The following ODF2L variants were observed in gnomAD, a reference collection of about 807,000 sequenced individuals.
ODF2L encodes protein BCAP.
Under a neutral mutation model 86.3 loss-of-function variants are expected in ODF2L, and 76 were observed. The observed-to-expected ratio is 0.88, with a 90% CI of 0.73 to 1.07. The LOEUF (loss-of-function observed/expected upper bound fraction) is 1.07. Ranked by LOEUF, ODF2L falls within the 50% of genes least tolerant of loss-of-function variation. The pLI is 0.00. For missense variants in ODF2L, 748 were observed against 717.4 expected, an observed-to-expected ratio of 1.04 and a Z score of -0.49; for synonymous variants, 241 against 231.3, an observed-to-expected ratio of 1.04 and a Z score of -0.38.
At chr1:86,348,740 ATT>A (rs781185857), downstream of ODF2L, 1 of 1,465,086 alleles carries the variant, frequency 6.8e-7, no homozygotes, top group Non-Finnish European at 9.0e-7. Flanking sequence ...GAGAAAATAA[ATT>A]TGACAATTTA....
At chr1:86,349,707 G>A (rs1373842209), downstream of ODF2L, 1 of 152,196 alleles carries the variant, frequency 6.6e-6, no homozygotes, top group Non-Finnish European at 1.5e-5. Context: ...AATATAAAAT[G>A]TCAATGGATT....
At chr1:86,388,349 A>G (rs1225368149) in intron 1 of ODF2L, among the ~76,000 whole-genome samples, 2 of 152,154 alleles carry the variant, frequency 1.3e-5, no homozygotes, top group Non-Finnish European at 2.9e-5. Flanking sequence ...CTACTAATTC[A>G]TTCAGTTGCA....
intron 1 of ODF2L, among the ~76,000 whole-genome samples, chr1:86,389,874 G>A (rs994399190): frequency 6.6e-6 from 1 of 152,128 alleles, no homozygotes; most frequent in African/African-American, 2.4e-5. Flanking sequence ...AACAACCAGT[G>A]AGACTGCAAT....
At chr1:86,362,769 C>T (rs2100887359) in intron 11 of ODF2L, among the ~76,000 whole-genome samples, 1 of 152,304 alleles carries the variant, frequency 6.6e-6, no homozygotes, top group Non-Finnish European at 1.5e-5. Flanking sequence ...AAGCGATTCT[C>T]CTGCCTCAGC....
intron 11 of ODF2L, among the ~76,000 whole-genome samples, chr1:86,362,842 T>G (rs1558019938): frequency 6.6e-6 from 1 of 152,106 alleles, no homozygotes; most frequent in African/African-American, 2.4e-5. Context: ...GTATTTTTAG[T>G]AGAGACAGGG....
intron 12 of ODF2L, among the ~76,000 whole-genome samples, chr1:86,359,520 T>C (rs1188522608): frequency 3.2e-4 from 7 of 21,598 alleles, no homozygotes; most frequent in African/African-American, 9.9e-4. Flanking sequence ...TAGTTCATTC[T>C]TTTTTTTTTT....
At chr1:86,358,804 T>G (rs759040783) in exon 13 of ODF2L, 6 of 1,427,100 alleles carry the variant, frequency 4.2e-6, no homozygotes, top group Non-Finnish European at 5.8e-6. Flanking sequence ...ACATTTTTAT[T>G]TTTGGTTTTT....
At chr1:86,352,080 A>C (rs1658175929) in exon 18 of ODF2L, 1 of 1,386,010 alleles carries the variant, frequency 7.2e-7, no homozygotes, top group Non-Finnish European at 9.4e-7. Context: ...CTAAGTTGTC[A>C]TGAAACTTTT....
intron 16 of ODF2L, among the ~76,000 whole-genome samples, chr1:86,353,401 A>ATACACACTT (rs1359145851): frequency 6.6e-6 from 1 of 152,164 alleles, no homozygotes; most frequent in Non-Finnish European, 1.5e-5. Flanking sequence ...AGGAATTGGT[A>ATACACACTT]TACACACTTC....
At chr1:86,383,360 T>G (rs994336113) in intron 4 of ODF2L, among the ~76,000 whole-genome samples, 164 bp from the exon 5 acceptor site, 9 of 151,840 alleles carry the variant, frequency 5.9e-5, no homozygotes, top group African/African-American at 2.2e-4. Context: ...TCCAAATTAT[T>G]TTTGGTCTGC....
chr1:86,367,996 T>C (rs1348803082), intron 11 of ODF2L, among the ~76,000 whole-genome samples: 1 of 152,202 alleles, frequency 6.6e-6, no homozygotes, highest in Non-Finnish European at 1.5e-5. Context: ...AGCTCATTAA[T>C]TGTCTGAACC....
intron 13 of ODF2L, 47 bp downstream of exon 12, chr1:86,358,740 A>C (rs1381126460): frequency 2.5e-6 from 2 of 798,432 alleles, no homozygotes; most frequent in East Asian, 6.2e-5. Flanking sequence ...ACTATTCATA[A>C]AGTAAAAAAT....
At chr1:86,382,738 TAAAAACCCTAAA>T (rs1022866173) in intron 6 of ODF2L, among the ~76,000 whole-genome samples, 181 bp downstream of exon 6, 13 of 151,684 alleles carry the variant, frequency 8.6e-5, no homozygotes, top group African/African-American at 3.1e-4. Flanking sequence ...ACAAACACCA[TAAAAACCCTAAA>T]AAAACTTAAT....
intron 6 of ODF2L, among the ~76,000 whole-genome samples, chr1:86,382,590 T>A (rs1406021610): frequency 1.3e-5 from 2 of 151,978 alleles, no homozygotes; most frequent in African/African-American, 2.4e-5. Flanking sequence ...AAAATTCCCA[T>A]CTATCTTTCT....
exon 11 of ODF2L, chr1:86,368,671 C>T: frequency 1.0e-5 from 15 of 1,449,660 alleles, no homozygotes; most frequent in Non-Finnish European, 1.4e-5. Flanking sequence ...ATATCAAGAA[C>T]AATCAAAATG....
chr1:86,356,518 A>T, exon 14 of ODF2L: 1 of 1,613,874 alleles, frequency 6.2e-7, no homozygotes. Context: ...CTCTCCTGAC[A>T]CTCGTGAAGC....
downstream of ODF2L, chr1:86,346,928 C>G (rs1657835799): frequency 6.6e-6 from 1 of 152,216 alleles, no homozygotes; most frequent in South Asian, 2.1e-4. Context: ...CTCTGGATGT[C>G]TGCCACTTAC....
At chr1:86,368,712 G>T in exon 11 of ODF2L, 2 of 1,443,778 alleles carry the variant, frequency 1.4e-6, no homozygotes, top group Non-Finnish European at 1.8e-6. Flanking sequence ...AATTCTACAT[G>T]GGAATCTAAG....
At chr1:86,347,530 T>C (rs1458556854), downstream of ODF2L, 1 of 152,172 alleles carries the variant, frequency 6.6e-6, no homozygotes, top group Non-Finnish European at 1.5e-5. Flanking sequence ...ACTCTGTATT[T>C]TGCTATTTTA....
Sources: gnomAD v4.1 joint callset for allele counts (sites outside exome capture counted in the v4.1 genomes callset) on GRCh38, gnomAD v4.1.1 for gene constraint, MANE v1.5 for transcripts, NCBI Gene and HGNC (gene_info 2026-07-23, HGNC 2026-07-21) for gene names.